MRPS28: variants seen among roughly 807,000 people sequenced by gnomAD.
MRPS28 encodes small ribosomal subunit protein bS1m.
Under a neutral mutation model 10.8 loss-of-function variants are expected in MRPS28, and 7 were observed. The ratio of observed to expected loss-of-function variants is 0.65; its 90% CI spans 0.37 to 1.22. The LOEUF (loss-of-function observed/expected upper bound fraction) is 1.22, where lower values mean the gene tolerates loss of function less well. MRPS28 is among the 50% of genes most tolerant of loss of function. MRPS28 has a pLI of 0.02. For synonymous variants in MRPS28, 121 were observed against 93.3 expected (o/e 1.30, Z -1.71); for missense variants, 265 against 232.9 (o/e 1.14, Z -0.90).
intron 1 of MRPS28, among the ~76,000 whole-genome samples, chr8:80,006,376 G>T (rs1299876964): frequency 6.6e-6 from 1 of 152,158 alleles, no homozygotes; most frequent in Non-Finnish European, 1.5e-5. Flanking sequence ...GCTCCTGAAT[G>T]ACTACTGGGT....
At chr8:79,922,578 A>G (rs1810123730) in intron 2 of MRPS28, among the ~76,000 whole-genome samples, 1 of 152,098 alleles carries the variant, frequency 6.6e-6, no homozygotes, top group Admixed American at 6.6e-5. Flanking sequence ...GTTATACCCA[A>G]TAAATATGTA....
chr8:79,963,229 C>T (rs1268218046), intron 2 of MRPS28, among the ~76,000 whole-genome samples: 1 of 152,060 alleles, frequency 6.6e-6, no homozygotes, highest in Admixed American at 6.6e-5. Context: ...AAAACATATG[C>T]AAACATCTGT....
rs1252686892 is a variant in MRPS28 at position 79,919,220 on chromosome 8, A to C, written c.396-72T>G. ...CATGAACAACTAGTTTAATAACAAC[A>C]ACCAAATTCCAATTTTAATTTGTGT... On this transcript the variant is annotated intron_variant, in intron 2 of 2. Coordinates refer to ENST00000276585, the MANE Select transcript of MRPS28 (RefSeq NM_014018.3). The C allele has an allele frequency of 7.6e-6, 9 of 1,187,704 alleles. No homozygotes were observed. The East Asian group carries it at 1.9e-4, about 25-fold the overall frequency. The allele number at this position is 1,187,704 out of a possible 1,614,324, so 73.6% of individuals were successfully genotyped here.
chr8:79,967,897 T>A (rs1259390119), intron 2 of MRPS28, among the ~76,000 whole-genome samples: 1 of 152,166 alleles, frequency 6.6e-6, no homozygotes, highest in Non-Finnish European at 1.5e-5. Context: ...TTAATATATG[T>A]GTATATATCA....
At chr8:80,007,007 A>C (rs1808868493) in intron 1 of MRPS28, among the ~76,000 whole-genome samples, 1 of 152,244 alleles carries the variant, frequency 6.6e-6, no homozygotes. Flanking sequence ...ATGAACATCG[A>C]TGCAAAAATC....
At position 79,920,703 on chromosome 8, in the gene MRPS28, A is replaced by G. The variant is rs565492817; in HGVS notation, c.396-1555T>C. 2.2e-4 allele frequency among the ~76,000 whole-genome samples: 33 copies of G among 152,124 alleles called. 1 individual carries two copies. The highest frequency in any genetic ancestry group is 7.7e-4 in the African/African-American group (32 of 41,472). The stretch of plus-strand genomic sequence containing the variant: ...CTGGATATTAGCCCTTTGTCAGAGG[A>G]GTAGATTGCAAAAATTTTCTCCCAT... On this transcript the variant is annotated intron_variant, in intron 2 of 2. Coordinates refer to ENST00000276585, the MANE Select transcript of MRPS28 (RefSeq NM_014018.3).
intron 2 of MRPS28, among the ~76,000 whole-genome samples, chr8:79,988,571 A>G (rs1442664418): frequency 6.6e-6 from 1 of 152,140 alleles, no homozygotes; most frequent in Non-Finnish European, 1.5e-5. Flanking sequence ...TGTTGAACCT[A>G]AATAATTCCT....
At chr8:79,974,497 C>T (rs1807735648) in intron 2 of MRPS28, among the ~76,000 whole-genome samples, 1 of 151,552 alleles carries the variant, frequency 6.6e-6, no homozygotes, top group South Asian at 2.1e-4. Flanking sequence ...GCCGAGATTT[C>T]GCCACTATAT....
intron 1 of MRPS28, among the ~76,000 whole-genome samples, chr8:80,028,072 C>A (rs1371968287): frequency 6.6e-6 from 1 of 152,180 alleles, no homozygotes; most frequent in African/African-American, 2.4e-5. Context: ...TCTGGGGACT[C>A]TAAAACACCT....
intron 2 of MRPS28, among the ~76,000 whole-genome samples, chr8:79,985,484 G>A (rs1172972801): frequency 6.6e-6 from 1 of 152,106 alleles, no homozygotes. Context: ...AATGAATCCA[G>A]GAGCTGGTTT....
chr8:79,999,550 T>TCG (rs1808602227), intron 2 of MRPS28, among the ~76,000 whole-genome samples: 1 of 152,250 alleles, frequency 6.6e-6, no homozygotes, highest in South Asian at 2.1e-4. Flanking sequence ...AATGAAGATC[T>TCG]AATAATCATT....
intron 2 of MRPS28, among the ~76,000 whole-genome samples, chr8:79,937,120 C>T (rs1001103586): frequency 6.6e-6 from 1 of 152,092 alleles, no homozygotes; most frequent in Admixed American, 6.6e-5. Flanking sequence ...CTTGGCCTCC[C>T]AAAAAGGGCT....
chr8:80,007,761 C>T (rs528501379), intron 1 of MRPS28, among the ~76,000 whole-genome samples: 74 of 152,048 alleles, frequency 4.9e-4, no homozygotes, highest in African/African-American at 1.5e-3. Context: ...CACTGCTCAA[C>T]GAAATAAAAG....
In MRPS28 at chr8:80,003,045, C is replaced by A; in HGVS notation, c.349G>T (p.Gly117Cys). ...IVENDLYIDFGGKFHCVCRRP... is the reference protein window; with the variant it reads ...IVENDLYIDFCGKFHCVCRRP... ...CTACATACACAATGAAACTTTCCAC[C>A]AAAATCTATGTACAGATCATTCTCC... Residue 117 changes from glycine to cysteine, a missense_variant, in exon 2 of 3, where the codon GGT becomes TGT. Coordinates refer to ENST00000276585, the MANE Select transcript of MRPS28 (RefSeq NM_014018.3). 1 of 1,605,040 alleles carries A rather than the reference C, an allele frequency of 6.2e-7. No individual in the cohort carries two copies. The highest frequency in any genetic ancestry group is 1.1e-5 in the South Asian group (1 of 88,498).
chr8:79,920,813 T>C (rs1230676078), intron 2 of MRPS28, among the ~76,000 whole-genome samples: 1 of 152,230 alleles, frequency 6.6e-6, no homozygotes, highest in African/African-American at 2.4e-5. Context: ...TTTGTCAATT[T>C]TGGCTTTTGT....
intron 2 of MRPS28, among the ~76,000 whole-genome samples, chr8:79,982,067 T>C (rs1807972126): frequency 1.3e-5 from 2 of 152,040 alleles, no homozygotes; most frequent in Admixed American, 1.3e-4. Context: ...GCCAACATGG[T>C]GAAACCCCAT....
At chr8:79,979,814 A>G (rs533314169) in intron 2 of MRPS28, among the ~76,000 whole-genome samples, 2 of 149,490 alleles carry the variant, frequency 1.3e-5, no homozygotes, top group Non-Finnish European at 1.5e-5. Context: ...TGTACCATGC[A>G]TGACTCAAGA....
intron 2 of MRPS28, among the ~76,000 whole-genome samples, chr8:79,921,319 C>G (rs1461623250): frequency 6.6e-6 from 1 of 151,950 alleles, no homozygotes; most frequent in Admixed American, 6.6e-5. Flanking sequence ...TTTTCCAATT[C>G]TGTGAAGAAA....
chr8:79,923,361 G>A (rs1324411649), intron 2 of MRPS28, among the ~76,000 whole-genome samples: 1 of 152,130 alleles, frequency 6.6e-6, no homozygotes, highest in Non-Finnish European at 1.5e-5. Flanking sequence ...CCCTTTAGGA[G>A]TGGTAAGAAT....
Sources: allele counts gnomAD v4.1 joint callset (sites outside exome capture counted in the v4.1 genomes callset), GRCh38; gene constraint gnomAD v4.1.1; transcripts MANE v1.5; gene names NCBI Gene and HGNC (gene_info 2026-07-23, HGNC 2026-07-21).